The following FAM135B variants were observed in gnomAD, a reference collection of about 807,000 sequenced individuals.
FAM135B encodes family with sequence similarity 135 member B, also known as protein FAM135B.
In FAM135B, 43 loss-of-function variants were observed where a neutral mutation model predicts 127.7. The ratio of observed to expected loss-of-function variants is 0.34; its 90% CI spans 0.26 to 0.43. FAM135B has a LOEUF of 0.43. FAM135B is among the 20% of genes least tolerant of loss of function. The pLI, the probability that FAM135B is intolerant of heterozygous loss-of-function variation, is 1.00. For synonymous variants in FAM135B, 670 were observed against 665.1 expected, an observed-to-expected ratio of 1.01 and a Z score of -0.11; for missense variants, 1,558 against 1,725.6, an observed-to-expected ratio of 0.90 and a Z score of 1.72.
intron 1 of FAM135B, among the ~76,000 whole-genome samples, chr8:138,424,077 T>C (rs1298504447): frequency 1.3e-5 from 2 of 152,172 alleles, no homozygotes; most frequent in Non-Finnish European, 2.9e-5. Flanking sequence ...CCAGATTTCA[T>C]ATTGTTCAAA....
intron 7 of FAM135B, among the ~76,000 whole-genome samples, chr8:138,198,454 C>T (rs1194045433): frequency 1.3e-5 from 2 of 152,136 alleles, no homozygotes; most frequent in East Asian, 3.9e-4. Flanking sequence ...CTGTGGGCTC[C>T]TTTGCAGAGA....
At chr8:138,135,211 C>CT (rs1554603784) in intron 19 of FAM135B, among the ~76,000 whole-genome samples, 3 of 152,094 alleles carry the variant, frequency 2.0e-5, no homozygotes, top group Non-Finnish European at 4.4e-5. Flanking sequence ...GTTCTTAAGG[C>CT]TTTACCAAGG....
intron 2 of FAM135B, among the ~76,000 whole-genome samples, chr8:138,313,019 AC>A (rs1826811926): frequency 6.6e-6 from 1 of 152,226 alleles, no homozygotes; most frequent in African/African-American, 2.4e-5. Context: ...CAACAAACAA[AC>A]CTCAACTTTA....
chr8:138,306,645 C>T (rs1176175303), intron 3 of FAM135B, among the ~76,000 whole-genome samples: 4 of 150,388 alleles, frequency 2.7e-5, no homozygotes, highest in Non-Finnish European at 5.9e-5. Flanking sequence ...AGCAGTGGCG[C>T]GATCTCTGCT....
chr8:138,391,938 C>G (rs1183542576), intron 1 of FAM135B, among the ~76,000 whole-genome samples: 1 of 152,140 alleles, frequency 6.6e-6, no homozygotes, highest in African/African-American at 2.4e-5. Context: ...CATCTGGTCT[C>G]CAGGTAAGTA....
chr8:138,444,652 G>C (rs1352949362), intron 1 of FAM135B, among the ~76,000 whole-genome samples: 1 of 152,178 alleles, frequency 6.6e-6, no homozygotes, highest in Non-Finnish European at 1.5e-5. Context: ...ATTTAAAGCA[G>C]TGTGTAGAGG....
chr8:138,364,777 T>C (rs1830637705), intron 2 of FAM135B, among the ~76,000 whole-genome samples: 2 of 152,120 alleles, frequency 1.3e-5, no homozygotes, highest in Admixed American at 1.3e-4. Flanking sequence ...AAAAGGTTTT[T>C]TAAAGAGAGA....
At chr8:138,254,508 C>G (rs979529978) in intron 5 of FAM135B, among the ~76,000 whole-genome samples, 1 of 152,116 alleles carries the variant, frequency 6.6e-6, no homozygotes, top group Non-Finnish European at 1.5e-5. Context: ...GCGTTAATGA[C>G]AGAAACCCCA....
chr8:138,345,164 C>A (rs1304431141), intron 2 of FAM135B, among the ~76,000 whole-genome samples: 2 of 152,122 alleles, frequency 1.3e-5, no homozygotes, highest in African/African-American at 4.8e-5. Flanking sequence ...TTTGGCTGAG[C>A]CTCATTCTGT....
intron 1 of FAM135B, among the ~76,000 whole-genome samples, chr8:138,492,357 C>T (rs1326755582): frequency 1.3e-5 from 2 of 152,066 alleles, no homozygotes; most frequent in Non-Finnish European, 2.9e-5. Flanking sequence ...CTCTACTATT[C>T]CTTCTCACAC....
At chr8:138,180,339 T>G (rs1391005177) in intron 9 of FAM135B, among the ~76,000 whole-genome samples, 3 of 152,206 alleles carry the variant, frequency 2.0e-5, no homozygotes, top group Admixed American at 2.0e-4. Flanking sequence ...ATATTTCCAC[T>G]CATTAATGTG....
chr8:138,196,385 CAAAG>C (rs1816627774), intron 8 of FAM135B, among the ~76,000 whole-genome samples: 1 of 152,148 alleles, frequency 6.6e-6, no homozygotes, highest in Non-Finnish European at 1.5e-5. Context: ...TGAGAGCTGA[CAAAG>C]CTTATAGTAA....
chr8:138,345,986 T>C (rs1388921906), intron 2 of FAM135B, among the ~76,000 whole-genome samples: 1 of 152,178 alleles, frequency 6.6e-6, no homozygotes, highest in Non-Finnish European at 1.5e-5. Context: ...CATTAAAAAC[T>C]GGGCAAAGGA....
intron 1 of FAM135B, among the ~76,000 whole-genome samples, chr8:138,428,329 C>T (rs889982142): frequency 4.6e-5 from 7 of 152,102 alleles, no homozygotes; most frequent in Admixed American, 6.6e-5. Context: ...TACAGTCCAA[C>T]GCCCAAACTA....
intron 11 of FAM135B, 107 bp from the exon 12 acceptor site, chr8:138,168,156 G>A (rs1820116936): frequency 1.6e-6 from 2 of 1,259,508 alleles, no homozygotes; most frequent in Non-Finnish European, 1.1e-6. Context: ...AGCTGACTCT[G>A]GCAATTGTCT....
chr8:138,442,267 T>TATATATATATATATACATATATAC (rs34280434), intron 1 of FAM135B, among the ~76,000 whole-genome samples: 1 of 86,762 alleles, frequency 1.2e-5, no homozygotes, highest in African/African-American at 4.5e-5. Context: ...TATATATATA[T>TATATATATATATATACATATATAC]ATATATATAT....
chr8:138,471,938 A>G (rs1000209410), intron 1 of FAM135B, among the ~76,000 whole-genome samples: 1 of 152,166 alleles, frequency 6.6e-6, no homozygotes, highest in African/African-American at 2.4e-5. Flanking sequence ...CAGAAGGAAG[A>G]CATGGTCAAC....
intron 3 of FAM135B, among the ~76,000 whole-genome samples, chr8:138,276,167 A>G (rs1196553782): frequency 6.6e-6 from 1 of 152,200 alleles, no homozygotes; most frequent in African/African-American, 2.4e-5. Flanking sequence ...CCGTCCTGCT[A>G]ATAAGTCATC....
chr8:138,485,312 C>T (rs916050853), intron 1 of FAM135B, among the ~76,000 whole-genome samples: 39 of 152,110 alleles, frequency 2.6e-4, no homozygotes, highest in Admixed American at 1.4e-3. Flanking sequence ...ACACAAGGTC[C>T]CAGAGTCTTC....
Sources: gnomAD v4.1 joint callset for allele counts (sites outside exome capture counted in the v4.1 genomes callset) on GRCh38, gnomAD v4.1.1 for gene constraint, MANE v1.5 for transcripts, NCBI Gene and HGNC (gene_info 2026-07-23, HGNC 2026-07-21) for gene names.